The following LDAH variants were observed in gnomAD, a reference collection of about 807,000 sequenced individuals.
LDAH encodes the protein lipid droplet associated hydrolase, also known as lipid droplet-associated hydrolase.
In LDAH, 26 loss-of-function variants were observed where a neutral mutation model predicts 29.6. The ratio of observed to expected loss-of-function variants is 0.88; its 90% CI spans 0.64 to 1.22. The LOEUF is 1.22. Ranked by LOEUF, LDAH falls within the 50% of genes most tolerant of loss-of-function variation. The pLI is 0.00. For missense variants in LDAH, 344 were observed against 387.3 expected, an observed-to-expected ratio of 0.89 and a Z score of 0.94; for synonymous variants, 117 against 133.0, an observed-to-expected ratio of 0.88 and a Z score of 0.83.
downstream of LDAH, among the ~76,000 whole-genome samples, chr2:20,683,513 A>T (rs575268137): frequency 6.6e-6 from 1 of 152,198 alleles, no homozygotes; most frequent in South Asian, 2.1e-4. Context: ...GCCATCTAAG[A>T]AATGCTTTGC....
At chr2:20,700,049 T>A (rs898590548) in intron 6 of LDAH, among the ~76,000 whole-genome samples, 3 of 152,252 alleles carry the variant, frequency 2.0e-5, no homozygotes, top group African/African-American at 7.2e-5. Flanking sequence ...GCCAGTCTTA[T>A]TATTAACTGA....
rs1666259917 is a variant in LDAH at position 20,729,661 on chromosome 2, CTTTTA to C, written c.703+10305_703+10309del. 2.6e-5 allele frequency among the ~76,000 whole-genome samples: 4 copies of C among 152,276 alleles called. No individual in the cohort carries two copies. The South Asian group carries it at 6.2e-4, about 24-fold the overall frequency. On this transcript the variant is annotated intron_variant, in intron 5 of 6. Coordinates refer to ENST00000237822, the MANE Select transcript of LDAH (RefSeq NM_021925.4). ...AGAATGCTTTTTGTTTTTAATTCAACTTTTATTTTAAGATAGTTGTAGATTTACAT... is the reference window on the plus strand; with the variant it reads ...AGAATGCTTTTTGTTTTTAATTCAACTTTTAAGATAGTTGTAGATTTACAT...
At chr2:20,756,104 T>A (rs1401880364) in intron 4 of LDAH, among the ~76,000 whole-genome samples, 1 of 151,984 alleles carries the variant, frequency 6.6e-6, no homozygotes, top group African/African-American at 2.4e-5. Context: ...CGGTCTTGGC[T>A]CCGGGCAACC....
intron 4 of LDAH, among the ~76,000 whole-genome samples, chr2:20,742,022 T>C (rs1006315904): frequency 5.9e-5 from 9 of 152,326 alleles, no homozygotes; most frequent in Admixed American, 5.2e-4. Flanking sequence ...TGTGTTTTCA[T>C]TTTCATTTAG....
chr2:20,773,844 C>T (rs1351201671), intron 4 of LDAH, among the ~76,000 whole-genome samples: 1 of 152,114 alleles, frequency 6.6e-6, no homozygotes, highest in Non-Finnish European at 1.5e-5. Context: ...AAAATCCTAG[C>T]ACAAAGCAGC....
intron 4 of LDAH, among the ~76,000 whole-genome samples, chr2:20,764,838 C>T (rs540075359): frequency 1.1e-3 from 163 of 152,302 alleles, no homozygotes; most frequent in African/African-American, 3.7e-3. Context: ...TACTAGTTGA[C>T]ATATGGGTTG....
At position 20,684,322 on chromosome 2, in the gene LDAH, C is replaced by T. The variant is rs1662403846; in HGVS notation, c.*2581G>A. 6.6e-6 allele frequency: 1 copy of T among 152,156 alleles called. No homozygotes were observed. The highest frequency in any genetic ancestry group is 2.4e-5 in the African/African-American group (1 of 41,442). The allele number at this position is 152,156 out of a possible 1,614,324, so 9.4% of individuals were successfully genotyped here. A position where few individuals can be genotyped will look rare whatever the true frequency, so the allele number is the denominator to read the frequency against. On this transcript the variant is annotated 3_prime_UTR_variant, in exon 7 of 7. Transcript: ENST00000237822. Reference sequence around the variant, plus strand: ...TCAACAATGTCTTTTATAACAAAAACATCCAATTCAGAATCAGATGTTGTG... The same window carrying T: ...TCAACAATGTCTTTTATAACAAAAATATCCAATTCAGAATCAGATGTTGTG...
At chr2:20,780,500 A>G (rs1227060064) in intron 3 of LDAH, among the ~76,000 whole-genome samples, 1 of 152,172 alleles carries the variant, frequency 6.6e-6, no homozygotes, top group Non-Finnish European at 1.5e-5. Flanking sequence ...ACTTGGAAAA[A>G]GCCATGAGTT....
chr2:20,727,153 G>C (rs950219658), intron 5 of LDAH, among the ~76,000 whole-genome samples: 3 of 152,180 alleles, frequency 2.0e-5, no homozygotes, highest in Non-Finnish European at 4.4e-5. Context: ...CAAGGTCGAG[G>C]ACTGCTTGAG....
intron 4 of LDAH, among the ~76,000 whole-genome samples, 161 bp downstream of exon 4, chr2:20,774,649 C>A (rs1669667739): frequency 6.6e-6 from 1 of 152,176 alleles, no homozygotes; most frequent in South Asian, 2.1e-4. Context: ...TTCACATAAG[C>A]CCATCGTAAT....
intron 5 of LDAH, among the ~76,000 whole-genome samples, chr2:20,738,868 A>G (rs988086867): frequency 2.0e-5 from 3 of 152,252 alleles, no homozygotes; most frequent in African/African-American, 7.2e-5. Context: ...GCACAATTGA[A>G]CAGGCAGGGC....
intron 1 of LDAH, among the ~76,000 whole-genome samples, chr2:20,816,578 C>T (rs953999153): frequency 2.0e-5 from 3 of 151,896 alleles, no homozygotes; most frequent in African/African-American, 7.3e-5. Flanking sequence ...CACCAAACAA[C>T]AGATATTTAA....
rs953435951 is a variant in LDAH, at chr2:20,684,042, A to G, written c.*2861T>C. ...AGGAGATAGCATGGTGGGGTTTTAA[A>G]AATAATTATTTTTACAAATTCTAAA... On this transcript the variant is annotated 3_prime_UTR_variant, in exon 7 of 7. Coordinates refer to ENST00000237822, the MANE Select transcript of LDAH (RefSeq NM_021925.4). 1.3e-5 allele frequency: 2 copies of G among 152,216 alleles called. No individual in the cohort carries two copies. Among genetic ancestry groups the G allele is most frequent in the Non-Finnish European group, 2.9e-5 (2 of 68,040 alleles). The allele number at this position is 152,216 out of a possible 1,614,324, so 9.4% of individuals were successfully genotyped here.
downstream of LDAH, among the ~76,000 whole-genome samples, chr2:20,683,153 G>A (rs1040183887): frequency 3.3e-5 from 5 of 152,214 alleles, no homozygotes; most frequent in East Asian, 1.9e-4. Context: ...CAGTGACGCC[G>A]GTCTTGCTCT....
chr2:20,764,663 T>C (rs1023642750), intron 4 of LDAH, among the ~76,000 whole-genome samples: 7 of 152,346 alleles, frequency 4.6e-5, no homozygotes, highest in Non-Finnish European at 1.0e-4. Flanking sequence ...AACTCAAATA[T>C]TAAAAAAGCA....
At chr2:20,782,175 T>G (rs561706499) in intron 3 of LDAH, among the ~76,000 whole-genome samples, 112 of 152,228 alleles carry the variant, frequency 7.4e-4, no homozygotes, top group African/African-American at 2.5e-3. Context: ...AAATGCAAAT[T>G]CTCAGGTCCC....
chr2:20,807,105 C>G (rs1256981655), intron 1 of LDAH, among the ~76,000 whole-genome samples: 2 of 151,978 alleles, frequency 1.3e-5, no homozygotes, highest in Non-Finnish European at 2.9e-5. Context: ...CCAGATTCTA[C>G]AGACATCAAA....
intron 4 of LDAH, among the ~76,000 whole-genome samples, chr2:20,742,465 T>C (rs928297814): frequency 2.0e-5 from 3 of 152,366 alleles, no homozygotes; most frequent in East Asian, 1.9e-4. Context: ...TTGCCTCACA[T>C]AGTTTGATGC....
intron 4 of LDAH, among the ~76,000 whole-genome samples, chr2:20,743,120 T>C (rs1290410754): frequency 6.6e-6 from 1 of 152,136 alleles, no homozygotes; most frequent in Non-Finnish European, 1.5e-5. Flanking sequence ...TAAATTAATA[T>C]AGACCACATT....
Sources: gnomAD v4.1 joint callset for allele counts (sites outside exome capture counted in the v4.1 genomes callset) on GRCh38, gnomAD v4.1.1 for gene constraint, MANE v1.5 for transcripts, NCBI Gene and HGNC (gene_info 2026-07-23, HGNC 2026-07-21) for gene names.